NBEA: variants seen among roughly 807,000 people sequenced by gnomAD.
NBEA encodes neurobeachin, also known as lysosomal-trafficking regulator 2.
A neutral mutation model predicts 343.4 loss-of-function variants in NBEA; 44 were observed. The ratio of observed to expected loss-of-function variants is 0.13; its 90% CI spans 0.10 to 0.16. NBEA has a LOEUF of 0.16. NBEA is among the 10% of genes least tolerant of loss of function. The pLI is 1.00. For synonymous variants in NBEA, 1,175 were observed against 1,238.7 expected (o/e 0.95, Z 1.08); for missense variants, 2,555 against 3,631.3 (o/e 0.70, Z 7.62).
intron 34 of NBEA, among the ~76,000 whole-genome samples, chr13:35,244,138 T>C (rs2030800904): frequency 6.6e-6 from 1 of 151,900 alleles, no homozygotes; most frequent in Non-Finnish European, 1.5e-5. Context: ...GAAGGAAATG[T>C]AGAAACTCCA....
intron 8 of NBEA, among the ~76,000 whole-genome samples, chr13:35,067,127 GACGT>G (rs2063682630): frequency 1.3e-5 from 2 of 152,064 alleles, no homozygotes; most frequent in African/African-American, 4.8e-5. Context: ...AACCCAACAT[GACGT>G]AATTATTACT....
chr13:35,666,219 T>C (rs1392291934), intron 56 of NBEA, among the ~76,000 whole-genome samples: 1 of 151,804 alleles, frequency 6.6e-6, no homozygotes. Context: ...GGTGATGAGA[T>C]AGATAGGTTT....
rs151329063 is a variant in NBEA, at chr13:35,597,015, C to T, written c.7296+3568C>T. Among the ~76,000 whole-genome samples, 72 of 151,776 alleles carry T rather than the reference C, an allele frequency of 4.7e-4. 1 individual carries two copies. The highest frequency in any genetic ancestry group is 6.8e-3 in the Middle Eastern group (2 of 292). The stretch of plus-strand genomic sequence containing the variant: ...TTCACTAGGAAGCCATAAAATGGTA[C>T]GCTCTCTCAGCAAAATATATTAAAC... On this transcript the variant is annotated intron_variant, in intron 47 of 58. Coordinates refer to ENST00000379939, the MANE Select transcript of NBEA (RefSeq NM_001385012.1).
chr13:35,625,723 GAAGAGGAAACCCAA>G (rs1194407741), intron 48 of NBEA, among the ~76,000 whole-genome samples: 2 of 152,104 alleles, frequency 1.3e-5, no homozygotes, highest in Non-Finnish European at 2.9e-5. Context: ...GAAATTTACA[GAAGAGGAAACCCAA>G]AAGACCAACA....
intron 26 of NBEA, among the ~76,000 whole-genome samples, chr13:35,173,174 A>G (rs2070605260): frequency 6.6e-6 from 1 of 152,180 alleles, no homozygotes; most frequent in African/African-American, 2.4e-5. Flanking sequence ...AGAGGGTAAC[A>G]GAATAAGGAA....
Position 35,195,961 on chromosome 13 carries a change from A to G in NBEA, c.5025A>G (p.Ser1675=), listed in dbSNP as rs1421587240. Reference sequence around the variant, plus strand: ...AAAGTTCAATTCCCCATACAGATTCAGGAATTGGAGAGGAGCAAGTGGCTA... The same window carrying G: ...AAAGTTCAATTCCCCATACAGATTCGGGAATTGGAGAGGAGCAAGTGGCTA... The part of the protein sequence containing the change: ...QVESSIPHTD[S]GIGEEQVASI... The change falls in exon 31 of 59, where the codon TCA becomes TCG. Residue 1675 remains serine (S), a synonymous_variant. Coordinates refer to ENST00000379939, the MANE Select transcript of NBEA (RefSeq NM_001385012.1). The G allele has an allele frequency of 6.2e-7, 1 of 1,613,574 alleles. No homozygotes were observed. The highest frequency in any genetic ancestry group is 8.5e-7 in the Non-Finnish European group (1 of 1,179,646).
At chr13:35,448,664 A>G (rs1290768211) in intron 39 of NBEA, among the ~76,000 whole-genome samples, 1 of 152,220 alleles carries the variant, frequency 6.6e-6, no homozygotes, top group African/African-American at 2.4e-5. Context: ...GCAAGCAGTT[A>G]CAATATCTAT....
At chr13:35,420,498 G>A (rs2044205322) in intron 38 of NBEA, among the ~76,000 whole-genome samples, 1 of 151,666 alleles carries the variant, frequency 6.6e-6, no homozygotes, top group African/African-American at 2.4e-5. Flanking sequence ...ACTGTTTTTG[G>A]TTTTTGTATC....
chr13:35,096,170 A>C (rs1278132180), intron 10 of NBEA, among the ~76,000 whole-genome samples: 1 of 151,150 alleles, frequency 6.6e-6, no homozygotes, highest in Non-Finnish European at 1.5e-5. Flanking sequence ...TATTACGTCC[A>C]CCATGTCAAT....
At chr13:35,424,634 G>C (rs2044531005) in intron 38 of NBEA, among the ~76,000 whole-genome samples, 1 of 152,144 alleles carries the variant, frequency 6.6e-6, no homozygotes. Context: ...TCTCTGCCAG[G>C]CTTTGGTATC....
At chr13:35,627,293 A>G (rs563128484) in intron 48 of NBEA, among the ~76,000 whole-genome samples, 23 of 152,308 alleles carry the variant, frequency 1.5e-4, no homozygotes, top group Admixed American at 1.4e-3. Flanking sequence ...ATCACTAGGA[A>G]GTTGATGATA....
chr13:34,978,225 AATT>A (rs1277960721), intron 1 of NBEA, among the ~76,000 whole-genome samples: 12 of 152,252 alleles, frequency 7.9e-5, no homozygotes, highest in Admixed American at 1.3e-4. Flanking sequence ...AGTCAGCTAT[AATT>A]ATTAATGGCA....
chr13:35,536,152 A>G (rs150679496), intron 41 of NBEA, among the ~76,000 whole-genome samples: 2 of 152,270 alleles, frequency 1.3e-5, no homozygotes, highest in East Asian at 3.9e-4. Flanking sequence ...CGGAACCCAT[A>G]TTTTATGATA....
intron 10 of NBEA, among the ~76,000 whole-genome samples, chr13:35,073,253 G>A (rs1215432504): frequency 6.6e-6 from 1 of 152,080 alleles, no homozygotes; most frequent in Non-Finnish European, 1.5e-5. Flanking sequence ...ATCGATGATT[G>A]GGACCTTGAA....
chr13:35,167,796 G>T (rs922821484), intron 24 of NBEA, among the ~76,000 whole-genome samples: 2 of 151,722 alleles, frequency 1.3e-5, no homozygotes, highest in Non-Finnish European at 3.0e-5. Context: ...ATAAATGAAA[G>T]TGAAAAATTG....
intron 1 of NBEA, among the ~76,000 whole-genome samples, chr13:34,950,651 G>A (rs1593262984): frequency 6.6e-6 from 1 of 151,308 alleles, no homozygotes; most frequent in Non-Finnish European, 1.5e-5. Flanking sequence ...ATTACAGGAC[G>A]AAGCATAAGA....
At position 35,190,464 on chromosome 13, in the gene NBEA, A is replaced by AAC. The variant is rs142439672; in HGVS notation, c.4928-5388_4928-5387dup. On this transcript the variant is annotated intron_variant, in intron 30 of 58. Transcript: ENST00000379939. ...CATGAGAACATTGCAAGCATACCCA[A>AAC]ACACACACACACAGAGCCTGTGGCA... Among the ~76,000 whole-genome samples, 719 of 151,974 alleles carry AAC rather than the reference A, an allele frequency of 4.7e-3. 9 individuals are homozygous for AAC. Among genetic ancestry groups the AAC allele is most frequent in the African/African-American group, 0.016 (655 of 41,478 alleles).
At chr13:35,320,362 T>G (rs1475401490) in intron 36 of NBEA, among the ~76,000 whole-genome samples, 2 of 152,220 alleles carry the variant, frequency 1.3e-5, no homozygotes, top group Non-Finnish European at 2.9e-5. Flanking sequence ...TGAAGCTGAG[T>G]TCGACTGGAT....
At chr13:35,256,740 C>T (rs1488446148) in intron 34 of NBEA, among the ~76,000 whole-genome samples, 1 of 152,178 alleles carries the variant, frequency 6.6e-6, no homozygotes, top group East Asian at 1.9e-4. Flanking sequence ...TGTGCACGCC[C>T]AGCTAGGTCG....
Sources: allele counts gnomAD v4.1 joint callset (sites outside exome capture counted in the v4.1 genomes callset), GRCh38; gene constraint gnomAD v4.1.1; transcripts MANE v1.5; gene names NCBI Gene and HGNC (gene_info 2026-07-23, HGNC 2026-07-21).